MSRA: variants seen among roughly 807,000 people sequenced by gnomAD.
MSRA encodes methionine sulfoxide reductase A.
MSRA carries 54 observed loss-of-function variants against 31.3 expected under a neutral mutation model. The observed-to-expected ratio is 1.73, with a 90% CI of 1.39 to 2.17. The LOEUF (loss-of-function observed/expected upper bound fraction) is 2.17. MSRA is among the 30% of genes most tolerant of loss of function. The pLI is 0.00. For synonymous variants in MSRA, 169 were observed against 116.5 expected, an observed-to-expected ratio of 1.45 and a Z score of -2.90; for missense variants, 507 against 300.9, an observed-to-expected ratio of 1.69 and a Z score of -5.07.
At chr8:10,300,063 A>G (rs545261392) in intron 3 of MSRA, among the ~76,000 whole-genome samples, 29 of 152,178 alleles carry the variant, frequency 1.9e-4, no homozygotes, top group African/African-American at 6.7e-4. Flanking sequence ...GACATGGGGA[A>G]GTATTCCCAA....
At chr8:10,138,168 C>T (rs967963344) in intron 1 of MSRA, among the ~76,000 whole-genome samples, 1 of 152,036 alleles carries the variant, frequency 6.6e-6, no homozygotes, top group Non-Finnish European at 1.5e-5. Context: ...TTGAGAGAGG[C>T]GTGACTGGGA....
At chr8:10,084,193 C>G (rs1251689657) in intron 1 of MSRA, among the ~76,000 whole-genome samples, 3 of 152,212 alleles carry the variant, frequency 2.0e-5, no homozygotes, top group Non-Finnish European at 4.4e-5. Context: ...TTTCTGGCCT[C>G]CTGAGGATGG....
At position 10,248,205 on chromosome 8, in the gene MSRA, A is replaced by T. The variant is rs1458621303; in HGVS notation, c.331+2982A>T. On this transcript the variant is annotated intron_variant, in intron 3 of 5. Coordinates refer to ENST00000317173, the MANE Select transcript of MSRA (RefSeq NM_012331.5). Reference sequence around the variant, plus strand: ...ATCTGCTTGCAATTAAGTTTGTAAAACTTTGATCACAATCCGTGAATATTT... The same window carrying T: ...ATCTGCTTGCAATTAAGTTTGTAAATCTTTGATCACAATCCGTGAATATTT... Among the ~76,000 whole-genome samples, 15 of 152,194 alleles carry T rather than the reference A, an allele frequency of 9.9e-5. 1 individual carries two copies. Among genetic ancestry groups the T allele is most frequent in the Admixed American group, 9.8e-4 (15 of 15,282 alleles).
chr8:10,399,004 C>A (rs138556665), intron 5 of MSRA, among the ~76,000 whole-genome samples: 1 of 152,282 alleles, frequency 6.6e-6, no homozygotes, highest in African/African-American at 2.4e-5. Flanking sequence ...GGACTGGGTT[C>A]GGCTCAGCAA....
chr8:10,245,276 C>A (rs932576058), intron 3 of MSRA, 53 bp downstream of exon 3: 1 of 1,553,826 alleles, frequency 6.4e-7, no homozygotes, highest in African/African-American at 1.4e-5. Flanking sequence ...GAGGGCTTGT[C>A]ACTACTGTTG....
At chr8:10,421,996 A>G (rs936296056) in intron 5 of MSRA, among the ~76,000 whole-genome samples, 6 of 152,230 alleles carry the variant, frequency 3.9e-5, no homozygotes, top group African/African-American at 1.2e-4. Context: ...AAAACACGCC[A>G]GGCAGGCTGT....
At chr8:10,287,726 T>C (rs1490350065) in intron 3 of MSRA, among the ~76,000 whole-genome samples, 1 of 152,184 alleles carries the variant, frequency 6.6e-6, no homozygotes, top group Admixed American at 6.5e-5. Context: ...TCTCCATTTT[T>C]GTTTCAGACC....
At chr8:10,283,816 TATATATATATATATATATATACACACAC>T (rs1288381392) in intron 3 of MSRA, among the ~76,000 whole-genome samples, 2 of 46,006 alleles carry the variant, frequency 4.3e-5, no homozygotes, top group African/African-American at 1.2e-4. Flanking sequence ...TATATATATA[TATATATATATATATATATATACACACAC>T]ACACACACAC....
chr8:10,185,181 C>T (rs139050473), intron 1 of MSRA, among the ~76,000 whole-genome samples: 8 of 152,120 alleles, frequency 5.3e-5, no homozygotes, highest in South Asian at 4.1e-4. Flanking sequence ...TGCGAATCCC[C>T]CTGTGGACAA....
intron 1 of MSRA, among the ~76,000 whole-genome samples, chr8:10,104,523 T>G (rs1177455483): frequency 6.6e-6 from 1 of 152,098 alleles, no homozygotes; most frequent in Admixed American, 6.6e-5. Context: ...TAGGTAGATA[T>G]AAAAATTTTG....
At chr8:10,054,768 G>A in intron 1 of MSRA, 110 bp downstream of exon 1, 1 of 1,232,590 alleles carries the variant, frequency 8.1e-7, no homozygotes, top group Non-Finnish European at 1.0e-6. Context: ...GGCCTCGGGC[G>A]GGTCGCGGGG....
chr8:10,305,604 G>C (rs1376252397), intron 4 of MSRA, among the ~76,000 whole-genome samples: 1 of 152,030 alleles, frequency 6.6e-6, no homozygotes, highest in African/African-American at 2.4e-5. Flanking sequence ...CATAGAGATG[G>C]GGTTTCACCA....
At chr8:10,150,704 C>A (rs1473166384) in intron 1 of MSRA, among the ~76,000 whole-genome samples, 1 of 152,112 alleles carries the variant, frequency 6.6e-6, no homozygotes. Flanking sequence ...TATATGAAAA[C>A]AGCCGGCCTG....
intron 1 of MSRA, among the ~76,000 whole-genome samples, chr8:10,151,409 T>C (rs1803664438): frequency 6.6e-6 from 1 of 152,064 alleles, no homozygotes; most frequent in Admixed American, 6.6e-5. Context: ...TTTGGGAGGC[T>C]GAGGTGGGCG....
intron 1 of MSRA, among the ~76,000 whole-genome samples, chr8:10,162,057 G>A (rs946514004): frequency 2.0e-5 from 3 of 152,284 alleles, no homozygotes; most frequent in Non-Finnish European, 2.9e-5. Context: ...GTGAGACACA[G>A]CCCGTGACAC....
At chr8:10,392,860 C>G (rs914146193) in intron 5 of MSRA, among the ~76,000 whole-genome samples, 7 of 121,324 alleles carry the variant, frequency 5.8e-5, no homozygotes, top group Non-Finnish European at 1.1e-4. Flanking sequence ...TTCTGGCTAA[C>G]ATGGTAAAAC....
chr8:10,145,713 G>A (rs1803086768), intron 1 of MSRA, among the ~76,000 whole-genome samples: 1 of 152,222 alleles, frequency 6.6e-6, no homozygotes, highest in Non-Finnish European at 1.5e-5. Flanking sequence ...CCTCCCGAAT[G>A]ATGGTGGATT....
At chr8:10,405,581 C>T (rs895579847) in intron 5 of MSRA, among the ~76,000 whole-genome samples, 3 of 152,322 alleles carry the variant, frequency 2.0e-5, no homozygotes, top group Non-Finnish European at 2.9e-5. Context: ...ACTAAGGACC[C>T]CATATCCATA....
At chr8:10,331,750 A>G (rs953242131) in intron 5 of MSRA, among the ~76,000 whole-genome samples, 1 of 152,258 alleles carries the variant, frequency 6.6e-6, no homozygotes, top group African/African-American at 2.4e-5. Context: ...TGACATTTAC[A>G]TATAACCTAT....
Sources: allele counts gnomAD v4.1 joint callset (sites outside exome capture counted in the v4.1 genomes callset), GRCh38; gene constraint gnomAD v4.1.1; transcripts MANE v1.5; gene names NCBI Gene and HGNC (gene_info 2026-07-23, HGNC 2026-07-21).